CNOT4: variants seen among roughly 807,000 people sequenced by gnomAD.
CNOT4 encodes CCR4-associated factor 4.
Under a neutral mutation model 73.8 loss-of-function variants are expected in CNOT4, and 8 were observed. That is an observed-to-expected ratio of 0.11 (90% CI 0.06 to 0.20). The LOEUF is 0.20. Among genes scored for constraint, CNOT4 ranks in the 10% least tolerant of loss-of-function variants. The probability of loss-of-function intolerance (pLI) is 1.00; values close to 1 mark genes in which losing one functional copy is unlikely to be tolerated. For missense variants in CNOT4, 564 were observed against 883.4 expected (o/e 0.64, Z 4.58); for synonymous variants, 293 against 321.1 (o/e 0.91, Z 0.94).
At chr7:135,414,261 C>A in intron 5 of CNOT4, 70 bp downstream of exon 5, 1 of 668,078 alleles carries the variant, frequency 1.5e-6, no homozygotes, top group South Asian at 1.9e-5. Flanking sequence ...ATGCTCAGTT[C>A]TCCTCTACTT....
intron 3 of CNOT4, among the ~76,000 whole-genome samples, chr7:135,419,730 G>C (rs1798072873): frequency 6.6e-6 from 1 of 151,948 alleles, no homozygotes; most frequent in African/African-American, 2.4e-5. Flanking sequence ...AGAGTTACTT[G>C]AAACGGAAAT....
intron 1 of CNOT4, among the ~76,000 whole-genome samples, chr7:135,469,538 C>T (rs1354610583): frequency 6.6e-6 from 1 of 152,138 alleles, no homozygotes; most frequent in Non-Finnish European, 1.5e-5. Context: ...GTTTTATTCT[C>T]CTACATCACT....
chr7:135,418,948 G>A (rs1205458731), intron 3 of CNOT4, among the ~76,000 whole-genome samples: 1 of 152,164 alleles, frequency 6.6e-6, no homozygotes, highest in Middle Eastern at 3.2e-3. Context: ...ACCAGTCTGT[G>A]AGCTTGTGTC....
At chr7:135,393,514 T>G (rs1796508775) in intron 10 of CNOT4, among the ~76,000 whole-genome samples, 1 of 152,090 alleles carries the variant, frequency 6.6e-6, no homozygotes. Flanking sequence ...TCCCTCATGC[T>G]CTCATTAATT....
At chr7:135,402,995 TAAAA>T (rs1224391845) in intron 7 of CNOT4, among the ~76,000 whole-genome samples, 5 of 152,036 alleles carry the variant, frequency 3.3e-5, no homozygotes, top group Admixed American at 3.3e-4. Flanking sequence ...GGGGGTGGAC[TAAAA>T]AAAAGTTAGA....
At chr7:135,396,406 C>G (rs978786741) in intron 8 of CNOT4, among the ~76,000 whole-genome samples, 1 of 152,088 alleles carries the variant, frequency 6.6e-6, no homozygotes, top group East Asian at 1.9e-4. Context: ...CATGAGCCAC[C>G]GTGCCCGGCC....
intron 1 of CNOT4, among the ~76,000 whole-genome samples, chr7:135,496,610 A>G (rs952790646): frequency 1.3e-5 from 2 of 151,410 alleles, no homozygotes; most frequent in African/African-American, 4.9e-5. Flanking sequence ...TAGAAGCAAC[A>G]CTATCCTGAA....
chr7:135,426,381 C>T (rs997374364), intron 2 of CNOT4, among the ~76,000 whole-genome samples: 4 of 151,078 alleles, frequency 2.6e-5, no homozygotes, highest in Admixed American at 1.3e-4. Context: ...GGCGGGCGGA[C>T]CACAAGGTCA....
At chr7:135,378,124 T>A (rs931397700) in intron 10 of CNOT4, among the ~76,000 whole-genome samples, 1 of 152,208 alleles carries the variant, frequency 6.6e-6, no homozygotes, top group African/African-American at 2.4e-5. Flanking sequence ...CTTTATTGAT[T>A]CAAAATTTTA....
At chr7:135,429,639 A>G (rs1024544837) in intron 2 of CNOT4, among the ~76,000 whole-genome samples, 3 of 152,218 alleles carry the variant, frequency 2.0e-5, no homozygotes, top group African/African-American at 7.2e-5. Context: ...ACATTATTAT[A>G]AAATGCAAAT....
intron 1 of CNOT4, among the ~76,000 whole-genome samples, chr7:135,484,556 G>A (rs932114490): frequency 3.3e-5 from 5 of 151,758 alleles, no homozygotes; most frequent in African/African-American, 1.2e-4. Flanking sequence ...AGGAGTTTGC[G>A]ACCAGCCTGG....
chr7:135,459,519 C>T (rs1800745457), intron 1 of CNOT4, among the ~76,000 whole-genome samples: 1 of 152,210 alleles, frequency 6.6e-6, no homozygotes, highest in Admixed American at 6.5e-5. Context: ...TGTACTTTTA[C>T]AAGCTGTGGT....
intron 1 of CNOT4, among the ~76,000 whole-genome samples, chr7:135,485,681 A>AT (rs11464295): frequency 1 from 152,250 of 152,252 alleles, 76,124 homozygotes; most frequent in Non-Finnish European, 1. Context: ...TGCGAGAGCA[A>AT]TGCGACTTCC....
intron 7 of CNOT4, among the ~76,000 whole-genome samples, chr7:135,404,473 A>G (rs1385114280): frequency 6.6e-6 from 1 of 152,166 alleles, no homozygotes; most frequent in Non-Finnish European, 1.5e-5. Flanking sequence ...CAGATGCAAA[A>G]TGTTACATAA....
chr7:135,371,087 T>A (rs1007795476), intron 10 of CNOT4, among the ~76,000 whole-genome samples: 3 of 152,368 alleles, frequency 2.0e-5, no homozygotes, highest in Admixed American at 2.0e-4. Flanking sequence ...GCACTTTATG[T>A]ACTCAATTAC....
intron 10 of CNOT4, chr7:135,388,094 C>T: frequency 1.0e-6 from 1 of 985,190 alleles, no homozygotes; most frequent in Non-Finnish European, 1.2e-6. Flanking sequence ...GAGGCATTTC[C>T]TGGTATACTA....
At chr7:135,464,885 T>A (rs973903737) in intron 1 of CNOT4, among the ~76,000 whole-genome samples, 4 of 152,132 alleles carry the variant, frequency 2.6e-5, no homozygotes, top group Non-Finnish European at 5.9e-5. Context: ...TAGTGTTTAG[T>A]AATGACCAGA....
chr7:135,404,866 C>T (rs1433246268), intron 7 of CNOT4, among the ~76,000 whole-genome samples: 1 of 152,232 alleles, frequency 6.6e-6, no homozygotes, highest in Non-Finnish European at 1.5e-5. Context: ...AAAATAACAT[C>T]AATTCCTTGG....
intron 1 of CNOT4, among the ~76,000 whole-genome samples, chr7:135,508,166 A>C (rs1014523558): frequency 1.3e-5 from 2 of 152,232 alleles, no homozygotes; most frequent in African/African-American, 4.8e-5. Context: ...TATCTTAAGA[A>C]TACAATGTCA....
Sources: allele counts gnomAD v4.1 joint callset (sites outside exome capture counted in the v4.1 genomes callset), GRCh38; gene constraint gnomAD v4.1.1; transcripts MANE v1.5; gene names NCBI Gene and HGNC (gene_info 2026-07-23, HGNC 2026-07-21).